Variants in PKNOX2 observed in about 807,000 individuals in gnomAD.
PKNOX2 encodes the protein PBX/knotted 1 homeobox 2, also known as homeobox protein PKNOX2.
PKNOX2 carries 14 observed loss-of-function variants against 53.1 expected under a neutral mutation model. The observed-to-expected ratio is 0.26, with a 90% CI of 0.17 to 0.41. PKNOX2 has a LOEUF of 0.41. Ranked by LOEUF, PKNOX2 falls within the 10% of genes least tolerant of loss-of-function variation. PKNOX2 has a pLI of 1.00. For missense variants in PKNOX2, 496 were observed against 602.8 expected, an observed-to-expected ratio of 0.82 and a Z score of 1.85; for synonymous variants, 257 against 242.8, an observed-to-expected ratio of 1.06 and a Z score of -0.54.
intron 2 of PKNOX2, among the ~76,000 whole-genome samples, chr11:125,305,697 C>T (rs1948395331): frequency 6.6e-6 from 1 of 152,108 alleles, no homozygotes; most frequent in African/African-American, 2.4e-5. Context: ...AGAAAAATTG[C>T]AGTAACAGCA....
rs570199977 is a variant in PKNOX2 at position 125,388,711 on chromosome 11, C to G, written c.399+2989C>G. ...TCCTCCCCATCCCCAGCTGGCCGCC[C>G]CCCTGTCCCCCAAGCAAGTTGCCCT... On this transcript the variant is annotated intron_variant, in intron 6 of 12. Coordinates refer to ENST00000298282, the MANE Select transcript of PKNOX2 (RefSeq NM_001382323.2). Among the ~76,000 whole-genome samples, 39 of 152,152 alleles carry G rather than the reference C, an allele frequency of 2.6e-4. No homozygotes were observed. The South Asian group carries it at 7.9e-3, about 31-fold the overall frequency.
chr11:125,359,078 A>AACAAAG (rs1951778867), intron 4 of PKNOX2, among the ~76,000 whole-genome samples: 1 of 136,894 alleles, frequency 7.3e-6, no homozygotes, highest in African/African-American at 3.0e-5. Flanking sequence ...CAGCTGTGGG[A>AACAAAG]GCAAAGGCAG....
chr11:125,220,320 CTG>C (rs1265676630), intron 1 of PKNOX2, among the ~76,000 whole-genome samples: 1 of 152,234 alleles, frequency 6.6e-6, no homozygotes, highest in Non-Finnish European at 1.5e-5. Flanking sequence ...AACACAAACA[CTG>C]TGCAAATCCC....
intron 2 of PKNOX2, among the ~76,000 whole-genome samples, chr11:125,290,408 G>A (rs77957990): frequency 0.017 from 2,622 of 152,226 alleles, 86 homozygotes; most frequent in African/African-American, 0.06. Context: ...GGGCTTCCTG[G>A]AGACAGAGAC....
At chr11:125,340,300 G>A (rs544270114) in intron 3 of PKNOX2, among the ~76,000 whole-genome samples, 8 of 152,360 alleles carry the variant, frequency 5.3e-5, no homozygotes, top group South Asian at 2.1e-4. Flanking sequence ...AGGACAGCCA[G>A]TATTCGAGGG....
chr11:125,381,774 A>G (rs114359615), intron 5 of PKNOX2, among the ~76,000 whole-genome samples: 2,057 of 152,220 alleles, frequency 0.014, 52 homozygotes, highest in African/African-American at 0.046. Flanking sequence ...ACTCAGCTAC[A>G]TCTTGTTCCA....
intron 10 of PKNOX2, 93 bp from the exon 11 acceptor site, chr11:125,428,919 G>C: frequency 7.3e-7 from 1 of 1,372,548 alleles, no homozygotes; most frequent in South Asian, 1.2e-5. Flanking sequence ...GGGCTGCCTG[G>C]CTCAGGATAG....
chr11:125,421,469 T>A (rs1222964653), intron 10 of PKNOX2, among the ~76,000 whole-genome samples: 1 of 152,184 alleles, frequency 6.6e-6, no homozygotes, highest in Non-Finnish European at 1.5e-5. Context: ...GAGCAAGGGC[T>A]TTGGAGGCAG....
chr11:125,423,043 TAC>T (rs56327999), intron 10 of PKNOX2, among the ~76,000 whole-genome samples: 411 of 149,900 alleles, frequency 2.7e-3, no homozygotes, highest in African/African-American at 6.1e-3. Flanking sequence ...TCAGTTTAGC[TAC>T]ACACACACAC....
chr11:125,302,655 G>C (rs531230979), intron 2 of PKNOX2, among the ~76,000 whole-genome samples: 1 of 152,140 alleles, frequency 6.6e-6, no homozygotes, highest in African/African-American at 2.4e-5. Flanking sequence ...CCACCCTGTT[G>C]CCAGGAGTCA....
chr11:125,419,675 T>C (rs551128953), intron 10 of PKNOX2, among the ~76,000 whole-genome samples: 1 of 151,870 alleles, frequency 6.6e-6, no homozygotes, highest in Admixed American at 6.5e-5. Flanking sequence ...GAGGCCATCA[T>C]TTACTCACAG....
At chr11:125,234,221 C>A (rs1942477351) in intron 1 of PKNOX2, among the ~76,000 whole-genome samples, 1 of 152,216 alleles carries the variant, frequency 6.6e-6, no homozygotes, top group African/African-American at 2.4e-5. Context: ...AGAAAATAGG[C>A]ATCGCTTCTG....
chr11:125,355,277 G>GAAAAAAAAAAAA (rs61437536), intron 4 of PKNOX2, among the ~76,000 whole-genome samples: 8 of 109,084 alleles, frequency 7.3e-5, no homozygotes, highest in Non-Finnish European at 1.0e-4. Flanking sequence ...AAAAAAAAAA[G>GAAAAAAAAAAAA]AAAAAAAAAA....
chr11:125,164,804 A>G, intron 1 of PKNOX2, 28 bp downstream of exon 1: 1 of 176,766 alleles, frequency 5.7e-6, no homozygotes. Context: ...TCCATGTCAG[A>G]GACGCTTTTG....
At chr11:125,377,427 C>T (rs756417558) in intron 5 of PKNOX2, among the ~76,000 whole-genome samples, 3 of 152,058 alleles carry the variant, frequency 2.0e-5, no homozygotes, top group Non-Finnish European at 2.9e-5. Flanking sequence ...ATGCTGAGGT[C>T]GTTGGAGGGG....
At chr11:125,253,176 G>A (rs1306806417) in intron 2 of PKNOX2, among the ~76,000 whole-genome samples, 7 of 152,208 alleles carry the variant, frequency 4.6e-5, no homozygotes, top group African/African-American at 1.4e-4. Context: ...CGTGGTGATA[G>A]CAATAAAAAT....
At chr11:125,237,479 C>G (rs1207377824) in intron 2 of PKNOX2, among the ~76,000 whole-genome samples, 2 of 152,194 alleles carry the variant, frequency 1.3e-5, no homozygotes, top group Non-Finnish European at 2.9e-5. Flanking sequence ...AGAATACAGT[C>G]TACCACAATT....
rs566260186 is a variant in PKNOX2, at chr11:125,370,239, A to T, written c.227+2254A>T. On this transcript the variant is annotated intron_variant, in intron 5 of 12. Coordinates refer to ENST00000298282, the MANE Select transcript of PKNOX2 (RefSeq NM_001382323.2). This position sits in a 1 kb window ranked among gnomAD's most constrained non-coding sequence, Gnocchi z 4.1. ...TAAGAATCAATGAGACGGCCCGTGGAGGCACCTGGCCCTGCGTCCAGCACC... is the reference window on the plus strand; with the variant it reads ...TAAGAATCAATGAGACGGCCCGTGGTGGCACCTGGCCCTGCGTCCAGCACC... 2.6e-5 allele frequency among the ~76,000 whole-genome samples: 4 copies of T among 152,248 alleles called. No individual in the cohort carries two copies. The East Asian group carries it at 7.7e-4, about 29-fold the overall frequency.
intron 7 of PKNOX2, among the ~76,000 whole-genome samples, chr11:125,400,814 C>T (rs983892953): frequency 6.6e-6 from 1 of 152,196 alleles, no homozygotes; most frequent in Non-Finnish European, 1.5e-5. Context: ...TCCCTGTGTT[C>T]ATCTCATTTT....
Sources: allele counts gnomAD v4.1 joint callset (sites outside exome capture counted in the v4.1 genomes callset), GRCh38; gene constraint gnomAD v4.1.1; non-coding constraint Gnocchi (gnomAD v3.1); transcripts MANE v1.5; gene names NCBI Gene and HGNC (gene_info 2026-07-23, HGNC 2026-07-21).